CCDC171: variants seen among roughly 807,000 people sequenced by gnomAD.
The protein encoded by CCDC171 is coiled-coil domain containing 171.
Under a neutral mutation model 168.2 loss-of-function variants are expected in CCDC171, and 177 were observed. The ratio of observed to expected loss-of-function variants is 1.05; its 90% CI spans 0.93 to 1.19. The LOEUF (loss-of-function observed/expected upper bound fraction) is 1.19, where lower values mean the gene tolerates loss of function less well. Ranked by LOEUF, CCDC171 falls within the 50% of genes most tolerant of loss-of-function variation. The pLI is 0.00. For missense variants in CCDC171, 1,991 were observed against 1,539.0 expected, an observed-to-expected ratio of 1.29 and a Z score of -4.91; for synonymous variants, 687 against 540.8, an observed-to-expected ratio of 1.27 and a Z score of -3.75.
chr9:15,940,566 TG>T (rs374294466), intron 25 of CCDC171, among the ~76,000 whole-genome samples: 1 of 152,124 alleles, frequency 6.6e-6, no homozygotes, highest in African/African-American at 2.4e-5. Context: ...TCAAACATCT[TG>T]TACTATTTGA....
intron 7 of CCDC171, among the ~76,000 whole-genome samples, chr9:15,641,072 C>G (rs2046568242): frequency 6.6e-6 from 1 of 152,044 alleles, no homozygotes; most frequent in Non-Finnish European, 1.5e-5. Flanking sequence ...GATTCAGTCC[C>G]TTGGAATCAC....
chr9:15,944,735 T>C (rs201002661), intron 25 of CCDC171, among the ~76,000 whole-genome samples: 1 of 152,008 alleles, frequency 6.6e-6, no homozygotes, highest in Non-Finnish European at 1.5e-5. Flanking sequence ...AGACATAATT[T>C]TTACTTGTTT....
chr9:15,824,358 A>G (rs923343788), intron 21 of CCDC171, among the ~76,000 whole-genome samples: 11 of 152,000 alleles, frequency 7.2e-5, no homozygotes, highest in Admixed American at 2.6e-4. Flanking sequence ...ATGTTAATAT[A>G]TATGTGTATA....
chr9:15,642,309 A>G (rs890786933), intron 7 of CCDC171, among the ~76,000 whole-genome samples: 1 of 107,624 alleles, frequency 9.3e-6, no homozygotes, highest in Admixed American at 1.2e-4. Context: ...ACACATATGT[A>G]TACACGTATA....
chr9:15,591,535 C>T lies in CCDC171; in HGVS notation c.522C>T (p.Ser174=). Residue 174 remains serine, a synonymous_variant, in exon 5 of 26, where the codon AGC becomes AGT. Coordinates refer to ENST00000380701, the MANE Select transcript of CCDC171 (RefSeq NM_173550.4). ...REYDLLMKEK[S]RLEKTLQEAL... Reference sequence around the variant, plus strand: ...ATGATTTACTTATGAAAGAAAAAAGCAGACTAGAGAAAACTCTACAGGTAA... The same window carrying T: ...ATGATTTACTTATGAAAGAAAAAAGTAGACTAGAGAAAACTCTACAGGTAA... 1 of 1,574,454 alleles carries T rather than the reference C, an allele frequency of 6.4e-7. No homozygotes were observed. Among genetic ancestry groups the T allele is most frequent in the African/African-American group, 1.4e-5 (1 of 72,698 alleles).
chr9:16,031,386 G>A (rs1833361721), intron 6 of CCDC171, among the ~76,000 whole-genome samples: 1 of 152,290 alleles, frequency 6.6e-6, no homozygotes, highest in African/African-American at 2.4e-5. Context: ...AGAATGTTCA[G>A]TAAAAATCTA....
intron 6 of CCDC171, among the ~76,000 whole-genome samples, chr9:16,023,978 G>C (rs1424396990): frequency 6.6e-6 from 1 of 151,870 alleles, no homozygotes; most frequent in Non-Finnish European, 1.5e-5. Context: ...GTAATCCCAG[G>C]GTGTTTATAA....
At chr9:15,916,412 A>ACTTTG (rs71325950) in intron 24 of CCDC171, among the ~76,000 whole-genome samples, 111,358 of 151,336 alleles carry the variant, frequency 0.74, 42,893 homozygotes, top group East Asian at 0.85. Flanking sequence ...CAATATATTT[A>ACTTTG]CGTAAGATAT....
chr9:16,072,283 CCTT>C, the CCDC171 span, among the ~76,000 whole-genome samples: 2 of 152,150 alleles, frequency 1.3e-5, no homozygotes, highest in Non-Finnish European at 2.9e-5. Context: ...ATCAGTGTAA[CCTT>C]CTCAATTTAG....
chr9:15,712,708 T>G (rs976593744), intron 11 of CCDC171, among the ~76,000 whole-genome samples: 1 of 152,180 alleles, frequency 6.6e-6, no homozygotes, highest in Non-Finnish European at 1.5e-5. Flanking sequence ...CAAGTTGCTA[T>G]CTCATCCTCC....
chr9:16,084,129 A>G, the CCDC171 span, among the ~76,000 whole-genome samples: 1 of 152,180 alleles, frequency 6.6e-6, no homozygotes, highest in African/African-American at 2.4e-5. Flanking sequence ...TTAACGTTTG[A>G]AATCTGTAAA....
chr9:15,960,520 T>C (rs1830236219), intron 25 of CCDC171, among the ~76,000 whole-genome samples: 1 of 152,152 alleles, frequency 6.6e-6, no homozygotes, highest in Admixed American at 6.5e-5. Context: ...CCTAGGGGTA[T>C]ATTATTTTGG....
At chr9:15,672,259 C>G (rs1325152149) in intron 9 of CCDC171, among the ~76,000 whole-genome samples, 5 of 152,120 alleles carry the variant, frequency 3.3e-5, no homozygotes, top group African/African-American at 1.2e-4. Flanking sequence ...AGCCCTTTGT[C>G]AGATGGATAA....
Position 15,857,396 on chromosome 9 carries a change from AT to A in CCDC171, c.3468+8457del, listed in dbSNP as rs914075420. Among the ~76,000 whole-genome samples, 21 of 151,818 alleles carry A rather than the reference AT, an allele frequency of 1.4e-4. 1 individual carries two copies. In the South Asian group the frequency reaches 2.7e-3, roughly 20 times the overall value. ...TAAGTCTTTAATCCATTGTAAATAG[AT>A]TTTTTTTAATATGGTGTAAGGTAGG... On this transcript the variant is annotated intron_variant, in intron 23 of 25. Transcript: ENST00000380701.
At chr9:15,945,578 G>A (rs1408273357) in intron 25 of CCDC171, among the ~76,000 whole-genome samples, 1 of 130,352 alleles carries the variant, frequency 7.7e-6, no homozygotes, top group Non-Finnish European at 1.6e-5. Context: ...CATTCTAACT[G>A]GTGTGAGATG....
At chr9:15,798,414 A>G (rs1401828295) in intron 21 of CCDC171, among the ~76,000 whole-genome samples, 1 of 151,668 alleles carries the variant, frequency 6.6e-6, no homozygotes, top group Non-Finnish European at 1.5e-5. Flanking sequence ...TGTTATTTTT[A>G]TTATTTCCTT....
chr9:15,876,678 A>G (rs1435181159), intron 24 of CCDC171, among the ~76,000 whole-genome samples: 1 of 152,198 alleles, frequency 6.6e-6, no homozygotes. Flanking sequence ...TATGATATAG[A>G]TCATAGTTTA....
In CCDC171 at chr9:15,595,296, C is replaced by T. The variant is rs915490745; in HGVS notation, c.675+1124C>T. Among the ~76,000 whole-genome samples, 4 of 152,212 alleles carry T rather than the reference C, an allele frequency of 2.6e-5. No homozygotes were observed. The South Asian group carries it at 6.2e-4, about 24-fold the overall frequency. ...TATATATCCTAATGCTATCCCTCCC[C>T]GCTCCCCTGACCCCACAACAGGCCC... is the stretch of plus-strand genomic sequence containing the variant. On this transcript the variant is annotated intron_variant, in intron 6 of 25. Transcript: ENST00000380701.
At chr9:15,596,643 C>CA (rs1314619343) in intron 6 of CCDC171, among the ~76,000 whole-genome samples, 1 of 151,512 alleles carries the variant, frequency 6.6e-6, no homozygotes, top group African/African-American at 2.4e-5. Context: ...TTTTTGGTTC[C>CA]ATATGAACTT....
Sources: gnomAD v4.1 joint callset for allele counts (sites outside exome capture counted in the v4.1 genomes callset) on GRCh38, gnomAD v4.1.1 for gene constraint, MANE v1.5 for transcripts, NCBI Gene and HGNC (gene_info 2026-07-23, HGNC 2026-07-21) for gene names.